The following SLC24A3 variants were observed in gnomAD, a reference collection of about 807,000 sequenced individuals.
The protein encoded by SLC24A3 is sodium/potassium/calcium exchanger 3.
A neutral mutation model predicts 75.8 loss-of-function variants in SLC24A3; 28 were observed. The ratio of observed to expected loss-of-function variants is 0.37; its 90% CI spans 0.27 to 0.51. The LOEUF is 0.51. SLC24A3 is among the 20% of genes least tolerant of loss of function. The pLI is 0.94. For missense variants in SLC24A3, 663 were observed against 847.8 expected (o/e 0.78, Z 2.71); for synonymous variants, 372 against 334.1 (o/e 1.11, Z -1.24).
At chr20:19,302,898 C>A (rs1415849051) in intron 2 of SLC24A3, among the ~76,000 whole-genome samples, 1 of 152,000 alleles carries the variant, frequency 6.6e-6, no homozygotes, top group African/African-American at 2.4e-5. Flanking sequence ...ATTATCGTCA[C>A]CCTAAGTTTT....
intron 2 of SLC24A3, among the ~76,000 whole-genome samples, chr20:19,414,276 G>C (rs1986793233): frequency 6.6e-6 from 1 of 152,170 alleles, no homozygotes; most frequent in Admixed American, 6.5e-5. Context: ...GATACGTTTT[G>C]ACCTAGGAAT....
At chr20:19,565,722 C>A (rs1175098498) in intron 3 of SLC24A3, among the ~76,000 whole-genome samples, 2 of 152,062 alleles carry the variant, frequency 1.3e-5, no homozygotes, top group African/African-American at 4.8e-5. Context: ...CTAAATGGCA[C>A]CTTTAAATGA....
At chr20:19,262,544 C>A (rs1244441462) in intron 1 of SLC24A3, among the ~76,000 whole-genome samples, 2 of 152,150 alleles carry the variant, frequency 1.3e-5, no homozygotes, top group African/African-American at 4.8e-5. Context: ...ACTTACCTCT[C>A]CCTGAACCAG....
chr20:19,459,030 C>T lies in SLC24A3; in HGVS notation c.272-56458C>T, dbSNP rs145343674. On this transcript the variant is annotated intron_variant, in intron 2 of 16. Transcript: ENST00000328041. Reference sequence around the variant, plus strand: ...GATTTGCTTAGAACTCACTTCCCCCCTCCAACATGAGCCCTGGGATCATTG... The same window carrying T: ...GATTTGCTTAGAACTCACTTCCCCCTTCCAACATGAGCCCTGGGATCATTG... Among the ~76,000 whole-genome samples the T allele has an allele frequency of 5.2e-3, 792 of 152,238 alleles. 6 individuals carry two copies. The highest frequency in any genetic ancestry group is 0.018 in the African/African-American group (764 of 41,524).
intron 2 of SLC24A3, among the ~76,000 whole-genome samples, chr20:19,462,611 G>C (rs62200410): frequency 0.079 from 12,017 of 152,206 alleles, 885 homozygotes; most frequent in African/African-American, 0.2. Context: ...CTTTGCCTCT[G>C]GTCACGTGCT....
At chr20:19,583,079 T>TCA (rs1183607890) in intron 4 of SLC24A3, among the ~76,000 whole-genome samples, 1 of 152,020 alleles carries the variant, frequency 6.6e-6, no homozygotes, top group Non-Finnish European at 1.5e-5. Flanking sequence ...GGAAACTAGA[T>TCA]CACACACAGC....
At chr20:19,614,995 C>T (rs1041478015) in intron 6 of SLC24A3, among the ~76,000 whole-genome samples, 4 of 152,128 alleles carry the variant, frequency 2.6e-5, no homozygotes, top group African/African-American at 7.2e-5. Context: ...TTGTTAAAGC[C>T]GTAATCTTTT....
chr20:19,620,751 G>C (rs2031792535), intron 6 of SLC24A3, among the ~76,000 whole-genome samples: 3 of 152,146 alleles, frequency 2.0e-5, no homozygotes, highest in South Asian at 2.1e-4. Flanking sequence ...AGAGAGATGA[G>C]AAAGGAGAGA....
intron 1 of SLC24A3, among the ~76,000 whole-genome samples, chr20:19,262,427 GAAA>G (rs1221330227): frequency 1.7e-5 from 2 of 120,308 alleles, no homozygotes; most frequent in African/African-American, 6.6e-5. Flanking sequence ...AAAAAAAAAA[GAAA>G]GAGAGAGAAA....
intron 12 of SLC24A3, among the ~76,000 whole-genome samples, chr20:19,686,654 G>A (rs1281299807): frequency 6.6e-6 from 1 of 152,138 alleles, no homozygotes; most frequent in Non-Finnish European, 1.5e-5. Context: ...TGTTAATTTT[G>A]GATGCGCAGG....
chr20:19,458,945 G>C (rs893178721), intron 2 of SLC24A3, among the ~76,000 whole-genome samples: 3 of 152,150 alleles, frequency 2.0e-5, no homozygotes, highest in South Asian at 4.1e-4. Context: ...GAGAACTTAG[G>C]ACTGGTTAAC....
chr20:19,322,365 CCCTT>C (rs59240769), intron 2 of SLC24A3, among the ~76,000 whole-genome samples: 29,033 of 78,550 alleles, frequency 0.37, 3,541 homozygotes, highest in East Asian at 0.45. Flanking sequence ...TTCCTTCCTT[CCCTT>C]CCTTCCTTCC....
intron 2 of SLC24A3, among the ~76,000 whole-genome samples, chr20:19,422,759 A>G (rs1394362649): frequency 6.6e-6 from 1 of 152,184 alleles, no homozygotes; most frequent in Non-Finnish European, 1.5e-5. Flanking sequence ...GGAAGCTTCT[A>G]TTGCAAGAAA....
chr20:19,392,491 C>T (rs1281656558), intron 2 of SLC24A3, among the ~76,000 whole-genome samples: 1 of 152,204 alleles, frequency 6.6e-6, no homozygotes, highest in Non-Finnish European at 1.5e-5. Flanking sequence ...ATACTTCTAG[C>T]TTGGCTGTGA....
At position 19,323,066 on chromosome 20, in the gene SLC24A3, C is replaced by T. The variant is rs868461544; in HGVS notation, c.271+41979C>T. Reference sequence around the variant, plus strand: ...CTAAAAATACAAAAAATTAGCCGGGCGTGGTAGCGGGCGCCTGTAGTCCCA... The same window carrying T: ...CTAAAAATACAAAAAATTAGCCGGGTGTGGTAGCGGGCGCCTGTAGTCCCA... On this transcript the variant is annotated intron_variant, in intron 2 of 16. Transcript: ENST00000328041. Among the ~76,000 whole-genome samples the T allele has an allele frequency of 2.0e-3, 309 of 151,346 alleles. 1 individual carries two copies. The highest frequency in any genetic ancestry group is 6.9e-3 in the African/African-American group (284 of 41,216).
chr20:19,656,383 G>A (rs200453160), intron 7 of SLC24A3, among the ~76,000 whole-genome samples: 1 of 80,636 alleles, frequency 1.2e-5, no homozygotes, highest in South Asian at 3.6e-4. Flanking sequence ...AGAGCAGAGA[G>A]GTTCATGCTG....
chr20:19,496,739 C>G (rs1008961440), intron 2 of SLC24A3, among the ~76,000 whole-genome samples: 1 of 152,134 alleles, frequency 6.6e-6, no homozygotes, highest in Non-Finnish European at 1.5e-5. Context: ...CAGAGAGGAA[C>G]TTCAGCACAA....
chr20:19,569,804 G>A (rs1427530774), intron 3 of SLC24A3, among the ~76,000 whole-genome samples: 3 of 152,178 alleles, frequency 2.0e-5, no homozygotes, highest in Admixed American at 6.5e-5. Context: ...TGCACCTTCA[G>A]GCCAAAGGTT....
intron 7 of SLC24A3, among the ~76,000 whole-genome samples, chr20:19,663,467 C>A (rs1480775372): frequency 2.8e-5 from 4 of 143,248 alleles, no homozygotes; most frequent in Non-Finnish European, 6.0e-5. Flanking sequence ...CCTCCTCCTC[C>A]TCCTCCTCCG....
Sources: gnomAD v4.1 joint callset for allele counts (sites outside exome capture counted in the v4.1 genomes callset) on GRCh38, gnomAD v4.1.1 for gene constraint, MANE v1.5 for transcripts, NCBI Gene and HGNC (gene_info 2026-07-23, HGNC 2026-07-21) for gene names.